ADH7: variants seen among roughly 807,000 people sequenced by gnomAD.
ADH7 encodes the protein alcohol dehydrogenase 7 (class IV), mu or sigma polypeptide, also known as all-trans-retinol dehydrogenase [NAD(+)] ADH7.
A neutral mutation model predicts 34.4 loss-of-function variants in ADH7; 41 were observed. The observed-to-expected ratio is 1.19, with a 90% CI of 0.93 to 1.55. ADH7 has a LOEUF of 1.55. Ranked by LOEUF, ADH7 falls within the 40% of genes most tolerant of loss-of-function variation. The probability of loss-of-function intolerance (pLI) is 0.00; values close to 1 mark genes in which losing one functional copy is unlikely to be tolerated. For missense variants in ADH7, 540 were observed against 461.2 expected (o/e 1.17, Z -1.56); for synonymous variants, 180 against 160.9 (o/e 1.12, Z -0.90).
At chr4:99,424,292 T>G (rs1389772461) in intron 5 of ADH7, among the ~76,000 whole-genome samples, 3 of 152,244 alleles carry the variant, frequency 2.0e-5, no homozygotes, top group African/African-American at 7.2e-5. Context: ...CCTTGTAGTA[T>G]AGTTTGAAGT....
intron 1 of ADH7, among the ~76,000 whole-genome samples, chr4:99,433,941 G>A (rs1392510415): frequency 6.6e-6 from 1 of 152,078 alleles, no homozygotes; most frequent in African/African-American, 2.4e-5. Flanking sequence ...CAATCCCAAT[G>A]TAAAGGGAAA....
rs1366768371 is a variant in ADH7 at position 99,420,584 on chromosome 4, T to A, written c.774A>T (p.Thr258=). The A allele has an allele frequency of 9.9e-6, 16 of 1,613,848 alleles. No homozygotes were observed. The South Asian group carries it at 1.5e-4, about 16-fold the overall frequency. Residue 258 remains threonine (T), a synonymous_variant, in exon 6 of 9, where the codon ACA becomes ACT. Coordinates refer to ENST00000437033, the MANE Select transcript of ADH7 (RefSeq NM_000673.7). ...KPISEVLSEM[T]GNNVGYTFEV... is the part of the protein sequence containing the mutation. ...CAAAGGTGTATCCCACGTTGTTGCC[T>A]GTCATTTCTGACAGCACCTCACTGA...
intron 7 of ADH7, 143 bp downstream of exon 7, chr4:99,418,843 T>A: frequency 1.0e-6 from 1 of 972,984 alleles, no homozygotes; most frequent in Non-Finnish European, 1.5e-6. Context: ...GAATTATCTT[T>A]TGTGTTATTA....
At position 99,416,677 on chromosome 4, in the gene ADH7, G is replaced by T. The variant is rs60764965; in HGVS notation, c.962-1061C>A. On this transcript the variant is annotated intron_variant, in intron 7 of 8. Transcript: ENST00000437033. ...ATTTACTTCTAGGGTGACCTCCTCT[G>T]GTCTTGTGGCTTTCGATATACTCCT... is the stretch of plus-strand genomic sequence containing the variant. Among the ~76,000 whole-genome samples, 1,229 of 152,128 alleles carry T rather than the reference G, an allele frequency of 8.1e-3. 14 individuals carry two copies. The highest frequency in any genetic ancestry group is 0.027 in the African/African-American group (1,124 of 41,478).
At position 99,413,081 on chromosome 4, in the gene ADH7, T is replaced by G; in HGVS notation, c.*67A>C. On this transcript the variant is annotated 3_prime_UTR_variant, in exon 9 of 9. Transcript: ENST00000437033. ...TGTGAGACAGATACATGATTTCAGA[T>G]GAGGGAACTCTCACAAGAGAAACTC... 6.6e-7 allele frequency: 1 copy of G among 1,508,890 alleles called. No homozygotes were observed. Among genetic ancestry groups the G allele is most frequent in the Non-Finnish European group, 9.2e-7 (1 of 1,088,072 alleles). The allele number at this position is 1,508,890 out of a possible 1,614,324, so 93.5% of individuals were successfully genotyped here.
intron 5 of ADH7, among the ~76,000 whole-genome samples, chr4:99,421,218 G>T (rs1015923138): frequency 6.6e-6 from 1 of 152,084 alleles, no homozygotes; most frequent in African/African-American, 2.4e-5. Context: ...AAAAAACAAA[G>T]CTGGAGGCAT....
At chr4:99,430,972 T>G (rs1721926076) in intron 1 of ADH7, among the ~76,000 whole-genome samples, 1 of 152,058 alleles carries the variant, frequency 6.6e-6, no homozygotes, top group Admixed American at 6.6e-5. Flanking sequence ...AATATGTTTT[T>G]GTATTTTAGT....
At chr4:99,421,500 T>C (rs1721662449) in intron 5 of ADH7, among the ~76,000 whole-genome samples, 1 of 152,128 alleles carries the variant, frequency 6.6e-6, no homozygotes, top group Non-Finnish European at 1.5e-5. Flanking sequence ...AAAAATTAAC[T>C]GAAGATGGAT....
At chr4:99,425,203 A>G (rs968132297) in intron 5 of ADH7, among the ~76,000 whole-genome samples, 1 of 152,138 alleles carries the variant, frequency 6.6e-6, no homozygotes, top group Non-Finnish European at 1.5e-5. Context: ...AAATTCACAC[A>G]TAACAATATT....
intron 5 of ADH7, among the ~76,000 whole-genome samples, chr4:99,424,390 A>G (rs571327864): frequency 6.6e-6 from 1 of 152,264 alleles, no homozygotes; most frequent in South Asian, 2.1e-4. Flanking sequence ...ATGAACTTGA[A>G]AGTAGTTTTT....
chr4:99,425,676 C>T (rs1417769462), intron 5 of ADH7, among the ~76,000 whole-genome samples: 2 of 152,130 alleles, frequency 1.3e-5, no homozygotes, highest in Non-Finnish European at 2.9e-5. Context: ...ACAAGGATAT[C>T]CAGGAATTGA....
chr4:99,413,259 A>T, intron 8 of ADH7, 87 bp from the exon 9 acceptor site: 1 of 1,443,864 alleles, frequency 6.9e-7, no homozygotes, highest in South Asian at 1.2e-5. Flanking sequence ...TCTATCTGTC[A>T]TAGAAACTTC....
intron 1 of ADH7, among the ~76,000 whole-genome samples, chr4:99,434,851 C>G (rs1722011085): frequency 6.6e-6 from 1 of 152,164 alleles, no homozygotes; most frequent in Non-Finnish European, 1.5e-5. Context: ...TGAACTACTG[C>G]AGCGAGTGCA....
chr4:99,421,258 A>C (rs1721656315), intron 5 of ADH7, among the ~76,000 whole-genome samples: 1 of 152,214 alleles, frequency 6.6e-6, no homozygotes, highest in Non-Finnish European at 1.5e-5. Flanking sequence ...CTATACTACA[A>C]GGCTACAGTA....
At position 99,433,433 on chromosome 4, in the gene ADH7, A is replaced by T. The variant is rs180995654; in HGVS notation, c.18+1783T>A. ...CACACACAAAAATGGTAGTTTGGGG[A>T]TGTGATATTATGATTGATTTTTTTC... is the stretch of plus-strand genomic sequence containing the variant. On this transcript the variant is annotated intron_variant, in intron 1 of 8. Coordinates refer to ENST00000437033, the MANE Select transcript of ADH7 (RefSeq NM_000673.7). Among the ~76,000 whole-genome samples the T allele has an allele frequency of 1.9e-3, 282 of 152,298 alleles. 3 individuals carry two copies. Among genetic ancestry groups the T allele is most frequent in the African/African-American group, 6.4e-3 (265 of 41,570 alleles).
chr4:99,431,038 T>C (rs1231263752), intron 1 of ADH7, among the ~76,000 whole-genome samples: 2 of 152,292 alleles, frequency 1.3e-5, no homozygotes, highest in Non-Finnish European at 2.9e-5. Flanking sequence ...GACCTTGTTA[T>C]CTGCCCTCCT....
intron 7 of ADH7, 82 bp downstream of exon 7, chr4:99,418,904 C>T (rs571198332): frequency 1.1e-5 from 16 of 1,510,408 alleles, no homozygotes; most frequent in Non-Finnish European, 1.4e-5. Flanking sequence ...GGAAGAAAGG[C>T]CTGAGGAAAC....
intron 5 of ADH7, among the ~76,000 whole-genome samples, chr4:99,427,403 C>G (rs1288681712): frequency 6.6e-6 from 1 of 152,094 alleles, no homozygotes; most frequent in South Asian, 2.1e-4. Flanking sequence ...TACAATAAAT[C>G]TTACTTAGCT....
At chr4:99,428,380 T>C in intron 3 of ADH7, 112 bp downstream of exon 3, 6 of 1,377,272 alleles carry the variant, frequency 4.4e-6, no homozygotes, top group African/African-American at 2.9e-5. Flanking sequence ...TCCTTTTAAT[T>C]CCCTGAATTG....
Sources: gnomAD v4.1 joint callset for allele counts (sites outside exome capture counted in the v4.1 genomes callset) on GRCh38, gnomAD v4.1.1 for gene constraint, MANE v1.5 for transcripts, NCBI Gene and HGNC (gene_info 2026-07-23, HGNC 2026-07-21) for gene names.